Variants in CPNE8 observed in about 807,000 individuals in gnomAD.
The protein encoded by CPNE8 is copine-8.
CPNE8 carries 45 observed loss-of-function variants against 81.5 expected under a neutral mutation model. That is an observed-to-expected ratio of 0.55 (90% CI 0.44 to 0.71). The LOEUF is 0.71. CPNE8 is among the 30% of genes least tolerant of loss of function. The pLI, the probability that CPNE8 is intolerant of heterozygous loss-of-function variation, is 0.00. For missense variants in CPNE8, 594 were observed against 672.1 expected (o/e 0.88, Z 1.28); for synonymous variants, 252 against 226.3 (o/e 1.11, Z -1.02).
intron 13 of CPNE8, among the ~76,000 whole-genome samples, chr12:38,709,465 T>C (rs974047113): frequency 6.6e-6 from 1 of 152,216 alleles, no homozygotes; most frequent in African/African-American, 2.4e-5. Context: ...AATTCAGATA[T>C]AAATACTTTC....
chr12:38,818,745 A>G (rs1335750230), intron 6 of CPNE8, among the ~76,000 whole-genome samples: 3 of 152,148 alleles, frequency 2.0e-5, no homozygotes, highest in African/African-American at 7.2e-5. Flanking sequence ...TTACACTCCC[A>G]CCAACAGTGT....
chr12:38,784,813 A>C (rs1942140515), intron 6 of CPNE8, among the ~76,000 whole-genome samples: 1 of 152,210 alleles, frequency 6.6e-6, no homozygotes, highest in African/African-American at 2.4e-5. Context: ...AGACATAAAG[A>C]ATTTCTCAGA....
chr12:38,831,159 T>C (rs1257473203), intron 5 of CPNE8, among the ~76,000 whole-genome samples: 3 of 152,070 alleles, frequency 2.0e-5, no homozygotes, highest in African/African-American at 7.2e-5. Flanking sequence ...TTGGACATTC[T>C]AGATTTACAG....
intron 19 of CPNE8, among the ~76,000 whole-genome samples, chr12:38,658,999 C>T (rs1290245119): frequency 6.6e-6 from 1 of 152,006 alleles, no homozygotes; most frequent in Non-Finnish European, 1.5e-5. Context: ...AATTAATGGG[C>T]AAAATAACCA....
At chr12:38,801,395 T>C (rs1266451809) in intron 6 of CPNE8, among the ~76,000 whole-genome samples, 1 of 28,928 alleles carries the variant, frequency 3.5e-5, no homozygotes, top group Non-Finnish European at 6.5e-5. Flanking sequence ...GAATTTCATA[T>C]CCAGCCAAAC....
intron 1 of CPNE8, among the ~76,000 whole-genome samples, chr12:38,904,664 T>C (rs2137175628): frequency 6.6e-6 from 1 of 152,112 alleles, no homozygotes; most frequent in Non-Finnish European, 1.5e-5. Context: ...AGACGGAGTT[T>C]CACCATATTG....
chr12:38,768,826 A>T (rs1433135745), intron 7 of CPNE8, among the ~76,000 whole-genome samples: 1 of 152,100 alleles, frequency 6.6e-6, no homozygotes, highest in Non-Finnish European at 1.5e-5. Context: ...TTTTAACTGA[A>T]CAGGAAAGCT....
chr12:38,869,019 T>C (rs1441319710), intron 3 of CPNE8, among the ~76,000 whole-genome samples: 1 of 152,168 alleles, frequency 6.6e-6, no homozygotes, highest in Non-Finnish European at 1.5e-5. Context: ...ATTCAACCAT[T>C]TCTGACCTAT....
intron 6 of CPNE8, among the ~76,000 whole-genome samples, chr12:38,799,537 A>G (rs1942599832): frequency 6.6e-6 from 1 of 152,184 alleles, no homozygotes; most frequent in African/African-American, 2.4e-5. Context: ...TCTGGGACGC[A>G]TTCAAAGCAG....
chr12:38,813,504 T>A (rs1289160932), intron 6 of CPNE8, among the ~76,000 whole-genome samples: 1 of 152,208 alleles, frequency 6.6e-6, no homozygotes, highest in Non-Finnish European at 1.5e-5. Context: ...AATTCAATTT[T>A]GGGGCTTATT....
intron 19 of CPNE8, among the ~76,000 whole-genome samples, chr12:38,656,101 G>GT (rs1336295044): frequency 1.4e-5 from 2 of 138,582 alleles, no homozygotes; most frequent in Admixed American, 7.6e-5. Flanking sequence ...AATCAAAGAG[G>GT]TAAAAAAAAA....
chr12:38,732,505 C>T (rs1167588129), intron 10 of CPNE8, among the ~76,000 whole-genome samples: 6 of 151,918 alleles, frequency 3.9e-5, no homozygotes, highest in African/African-American at 7.2e-5. Context: ...AACAGGTCTA[C>T]GACAATCTCT....
intron 1 of CPNE8, among the ~76,000 whole-genome samples, chr12:38,889,317 A>G (rs1516558): frequency 0.4 from 61,423 of 152,138 alleles, 14,487 homozygotes; most frequent in Non-Finnish European, 0.53. Context: ...AGGATCAGGA[A>G]AAGTCTTCAT....
chr12:38,816,350 T>C (rs1400708060), intron 6 of CPNE8, among the ~76,000 whole-genome samples: 2 of 152,184 alleles, frequency 1.3e-5, no homozygotes, highest in Non-Finnish European at 2.9e-5. Flanking sequence ...ATGTTTTCTT[T>C]TGAAGTCTCT....
rs568442674 is a variant in CPNE8 at position 38,825,615 on chromosome 12, A to G, written c.407+3764T>C. ...GGTAAGGGAGTAAAATGCTATTTGCATAGAAGCTGTATCTTCTCTCAAAGT... is the reference window on the plus strand; with the variant it reads ...GGTAAGGGAGTAAAATGCTATTTGCGTAGAAGCTGTATCTTCTCTCAAAGT... On this transcript the variant is annotated intron_variant, in intron 6 of 19. Transcript: ENST00000331366. Among the ~76,000 whole-genome samples, 4 of 152,344 alleles carry G rather than the reference A, an allele frequency of 2.6e-5. No homozygotes were observed. The South Asian group carries it at 8.3e-4, about 32-fold the overall frequency.
chr12:38,778,859 T>G (rs1436632193), intron 6 of CPNE8, among the ~76,000 whole-genome samples: 2 of 152,198 alleles, frequency 1.3e-5, no homozygotes, highest in African/African-American at 4.8e-5. Context: ...TATACAGTCA[T>G]GCATTGCTTA....
chr12:38,659,223 A>G lies in CPNE8; in HGVS notation c.1507-5153T>C, dbSNP rs1024571512. ...AAGATCTACCAAGCAAATGGAAAGA[A>G]AAAAAAAAAAAGCGGGGATTGCAAT... On this transcript the variant is annotated intron_variant, in intron 19 of 19. Transcript: ENST00000331366. Among the ~76,000 whole-genome samples the G allele has an allele frequency of 2.1e-4, 7 of 32,934 alleles. No homozygotes were observed. The Non-Finnish European group carries it at 4.7e-3, about 22-fold the overall frequency. The allele number at this position is 32,934 out of a possible 152,430, so 21.6% of individuals were successfully genotyped here.
At chr12:38,669,416 G>T (rs186145331) in intron 19 of CPNE8, among the ~76,000 whole-genome samples, 1 of 151,908 alleles carries the variant, frequency 6.6e-6, no homozygotes, top group Admixed American at 6.6e-5. Flanking sequence ...TCTATTTCAG[G>T]AATATATTTT....
intron 6 of CPNE8, among the ~76,000 whole-genome samples, chr12:38,785,178 A>G (rs1952503322): frequency 6.8e-6 from 1 of 148,136 alleles, no homozygotes; most frequent in African/African-American, 2.5e-5. Flanking sequence ...ACAGAGTGAG[A>G]CTCTGTCTCT....
Sources: allele counts gnomAD v4.1 joint callset (sites outside exome capture counted in the v4.1 genomes callset), GRCh38; gene constraint gnomAD v4.1.1; transcripts MANE v1.5; gene names NCBI Gene and HGNC (gene_info 2026-07-23, HGNC 2026-07-21).